Variants in CD36 observed in about 807,000 individuals in gnomAD.
CD36 encodes the protein CD36 molecule (CD36 blood group), also known as platelet glycoprotein 4.
Under a neutral mutation model 55.2 loss-of-function variants are expected in CD36, and 119 were observed. The observed-to-expected ratio is 2.15, with a 90% CI of 1.86 to 2.51. CD36 has a LOEUF of 2.51. Ranked by LOEUF, CD36 falls within the 30% of genes most tolerant of loss-of-function variation. The pLI, the probability that CD36 is intolerant of heterozygous loss-of-function variation, is 0.00. For missense variants in CD36, 819 were observed against 555.5 expected (o/e 1.47, Z -4.77); for synonymous variants, 186 against 193.6 (o/e 0.96, Z 0.33).
intron 8 of CD36, among the ~76,000 whole-genome samples, chr7:80,667,899 T>A (rs943587033): frequency 2.6e-5 from 4 of 151,850 alleles, no homozygotes; most frequent in Non-Finnish European, 5.9e-5. Flanking sequence ...TACAGGCATG[T>A]GCCACCACAC....
chr7:80,654,905 T>C (rs979435183), intron 3 of CD36, among the ~76,000 whole-genome samples: 4 of 149,272 alleles, frequency 2.7e-5, no homozygotes, highest in Non-Finnish European at 5.9e-5. Context: ...AAGACAGTCA[T>C]AGCATGGTGT....
Position 80,670,017 on chromosome 7 carries a change from T to G in CD36, c.813T>G (p.Ile271Met). ...TATTGCAGTTCTTTTCTTCTGATAT[T>G]TGCAGGTAAGACAGATACTGAAGTA... ...SQVLQFFSSD[I>M]CRSIYAVFES... The change falls in exon 9 of 15, where the codon ATT becomes ATG. Residue 271 changes from isoleucine (I) to methionine (M), a missense_variant. Physicochemically the swap from Ile to Met is conservative, Grantham distance 10. Transcript: ENST00000447544. 1 of 1,601,112 alleles carries G rather than the reference T, an allele frequency of 6.2e-7. No individual in the cohort carries two copies. The highest frequency in any genetic ancestry group is 8.6e-7 in the Non-Finnish European group (1 of 1,168,748).
intron 1 of CD36, among the ~76,000 whole-genome samples, chr7:80,618,076 T>C (rs1793264839): frequency 6.6e-6 from 1 of 152,142 alleles, no homozygotes; most frequent in Non-Finnish European, 1.5e-5. Flanking sequence ...TTTTACACTG[T>C]TTCATATGGA....
rs548507859 is a variant in CD36, at chr7:80,661,160, T to C, written c.379T>C (p.Ser127Pro). 9.3e-5 allele frequency: 150 copies of C among 1,613,988 alleles called. 2 individuals are homozygous for C. In the South Asian group the frequency reaches 1.6e-3, roughly 17 times the overall value. ...TGGTGCCATCTTCGAACCTTCACTA[T>C]CAGTTGGAACAGAGGCTGACAACTT... ...PNGAIFEPSL[S>P]VGTEADNFTV... Residue 127 changes from serine (S) to proline (P), a missense_variant, in exon 5 of 15, where the codon TCA becomes CCA. Transcript: ENST00000447544.
intron 3 of CD36, among the ~76,000 whole-genome samples, chr7:80,651,193 C>A (rs985797174): frequency 1.2e-4 from 18 of 151,914 alleles, no homozygotes; most frequent in Admixed American, 9.8e-4. Context: ...ATTGAATACA[C>A]GTGGATATAA....
upstream of CD36, among the ~76,000 whole-genome samples, chr7:80,638,149 A>G (rs1452517955): frequency 1.3e-5 from 2 of 151,966 alleles, no homozygotes; most frequent in African/African-American, 2.4e-5. Context: ...ACAGTCTCCA[A>G]TTGTTTTCAG....
chr7:80,642,552 T>C (rs965043035), intron 1 of CD36, among the ~76,000 whole-genome samples: 1 of 152,154 alleles, frequency 6.6e-6, no homozygotes, highest in African/African-American at 2.4e-5. Flanking sequence ...TTGCCTCAGG[T>C]GAATAAAACT....
rs1880410 is a variant in CD36, at chr7:80,602,688, T to C, written c.-184+309T>C. ...AACGTCAGAAAACCCAAACTTCTCGTGACTTCAAAAAGTGTAATTGTACCT... is the reference window on the plus strand; with the variant it reads ...AACGTCAGAAAACCCAAACTTCTCGCGACTTCAAAAAGTGTAATTGTACCT... On this transcript the variant is annotated intron_variant, in intron 1 of 13. Transcript: ENST00000309881. Among the ~76,000 whole-genome samples the C allele has an allele frequency of 8.5e-3, 1,288 of 152,256 alleles. 58 individuals carry two copies. In the East Asian group the frequency reaches 0.11, roughly 12 times the overall value.
chr7:80,670,534 T>A (rs3173804), intron 9 of CD36: 82,429 of 211,616 alleles, frequency 0.39, 16,919 homozygotes, highest in Middle Eastern at 0.45. Flanking sequence ...ATAAGAAAAA[T>A]ATGTGTATTG....
At chr7:80,617,481 C>T (rs372220048) in intron 1 of CD36, among the ~76,000 whole-genome samples, 1 of 152,056 alleles carries the variant, frequency 6.6e-6, no homozygotes, top group African/African-American at 2.4e-5. Flanking sequence ...AATCCCAGCA[C>T]TTTGGGAGCC....
chr7:80,647,007 AT>A lies in CD36; in HGVS notation c.120+148del, dbSNP rs572241103. On this transcript the variant is annotated intron_variant, in intron 3 of 14. Coordinates refer to ENST00000447544, the MANE Select transcript of CD36 (RefSeq NM_001001548.3). ...GGTAATTATGAACCACTGCAACTCTATATGATGCGACTTTATGTGAAATGTT... is the reference window on the plus strand; with the variant it reads ...GGTAATTATGAACCACTGCAACTCTAATGATGCGACTTTATGTGAAATGTT... The A allele has an allele frequency of 6.9e-4, 549 of 793,676 alleles. 4 individuals are homozygous for A. In the South Asian group the frequency reaches 7.9e-3, roughly 11 times the overall value. 49.2% of individuals were successfully genotyped at this position (793,676 alleles called of 1,614,324 possible). A position where few individuals can be genotyped will look rare whatever the true frequency, so the allele number is the denominator to read the frequency against.
Position 80,671,922 on chromosome 7 carries a change from G to A in CD36, c.1007G>A (p.Gly336Glu), listed in dbSNP as rs772292451. ...GVLDISKCKE[G>E]RPVYISLPHF... ...ATTGACTCTTAAAACTTGTCTTCAG[G>A]GAGACCTGTGTACATTTCACTTCCT... Residue 336 changes from glycine to glutamate, a missense_variant and splice_region_variant, in exon 11 of 15, where the codon GGG (glycine) becomes GAG (glutamate). Physicochemically the swap from Gly to Glu is moderately conservative, Grantham distance 98. Transcript: ENST00000447544. The A allele has an allele frequency of 2.5e-6, 4 of 1,610,874 alleles. No individual in the cohort carries two copies. Among genetic ancestry groups the A allele is most frequent in the Non-Finnish European group, 3.4e-6 (4 of 1,177,972 alleles).
chr7:80,662,585 C>CT (rs34614420), intron 5 of CD36: 553 of 197,262 alleles, frequency 2.8e-3, no homozygotes, highest in East Asian at 0.012. Context: ...AGACTTATGG[C>CT]TTTTTTTTTT....
At chr7:80,602,366 TC>T (rs1792286434) in exon 1 of CD36, 1 of 152,136 alleles carries the variant, frequency 6.6e-6, no homozygotes, top group Non-Finnish European at 1.5e-5. Flanking sequence ...GAAAGCAAGC[TC>T]TTCTAGAAGT....
chr7:80,673,652 T>C, intron 13 of CD36: 1 of 561,376 alleles, frequency 1.8e-6, no homozygotes, highest in Non-Finnish European at 3.2e-6. Context: ...ATTTGTCTTC[T>C]ATTGCCTGAC....
chr7:80,636,251 CAAGTA>C (rs1460219926), upstream of CD36, among the ~76,000 whole-genome samples: 4 of 151,980 alleles, frequency 2.6e-5, no homozygotes, highest in African/African-American at 7.3e-5. Context: ...AGGCTCCTGT[CAAGTA>C]TTGTACACTA....
chr7:80,618,809 A>G (rs549439117), intron 1 of CD36, among the ~76,000 whole-genome samples: 30 of 152,378 alleles, frequency 2.0e-4, no homozygotes, highest in African/African-American at 6.7e-4. Flanking sequence ...AGCTGTCTCC[A>G]TAAAATAAAA....
chr7:80,627,869 C>G (rs575588740), intron 1 of CD36, among the ~76,000 whole-genome samples: 1 of 152,068 alleles, frequency 6.6e-6, no homozygotes, highest in African/African-American at 2.4e-5. Flanking sequence ...AGAAGCATGT[C>G]ATTCATTCTT....
At chr7:80,648,191 C>T (rs1181729475) in intron 3 of CD36, among the ~76,000 whole-genome samples, 1 of 152,060 alleles carries the variant, frequency 6.6e-6, no homozygotes, top group Admixed American at 6.6e-5. Context: ...AGGTGTGGGG[C>T]TTATCTAATA....
Sources: gnomAD v4.1 joint callset for allele counts (sites outside exome capture counted in the v4.1 genomes callset) on GRCh38, gnomAD v4.1.1 for gene constraint, MANE v1.5 for transcripts, NCBI Gene and HGNC (gene_info 2026-07-23, HGNC 2026-07-21) for gene names.